WDPCP: variants seen among roughly 807,000 people sequenced by gnomAD.
WDPCP encodes WD repeat containing planar cell polarity effector.
In WDPCP, 71 loss-of-function variants were observed where a neutral mutation model predicts 93.1. That is an observed-to-expected ratio of 0.76 (90% CI 0.63 to 0.93). The LOEUF (loss-of-function observed/expected upper bound fraction) is 0.93. Among genes scored for constraint, WDPCP ranks in the 40% least tolerant of loss-of-function variants. WDPCP has a pLI of 0.00. For missense variants in WDPCP, 844 were observed against 887.4 expected (o/e 0.95, Z 0.62); for synonymous variants, 315 against 315.0 (o/e 1.00, Z 0.00).
intron 2 of WDPCP, chr2:63,684,564 T>C (rs1457674418): frequency 7.0e-6 from 5 of 716,168 alleles, no homozygotes; most frequent in Admixed American, 1.8e-5. Context: ...AGGTACTCTG[T>C]GGATATCCCC....
chr2:63,486,738 G>A (rs1396844384), intron 3 of WDPCP, 152 bp from the exon 4 acceptor site: 3 of 704,130 alleles, frequency 4.3e-6, no homozygotes, highest in Non-Finnish European at 6.7e-6. Context: ...GTTCTAAAAG[G>A]ACAGTTGAAA....
intron 3 of WDPCP, among the ~76,000 whole-genome samples, chr2:63,595,899 G>A (rs1318671788): frequency 6.6e-6 from 1 of 152,184 alleles, no homozygotes; most frequent in Non-Finnish European, 1.5e-5. Context: ...GTAGCATCCT[G>A]TAATGGAAAA....
chr2:63,367,037 C>A (rs942470171), intron 12 of WDPCP, among the ~76,000 whole-genome samples: 21 of 150,898 alleles, frequency 1.4e-4, no homozygotes, highest in African/African-American at 4.9e-4. Context: ...TCATTCAATC[C>A]ATATATTTAT....
chr2:63,588,829 CGGGA>C (rs1709069391), upstream of WDPCP: 22 of 610,140 alleles, frequency 3.6e-5, no homozygotes, highest in Admixed American at 6.4e-4. Context: ...CCTCTGGTAT[CGGGA>C]AGTGTAGTTC....
At chr2:63,297,070 G>T (rs1684921910) in intron 13 of WDPCP, among the ~76,000 whole-genome samples, 1 of 152,172 alleles carries the variant, frequency 6.6e-6, no homozygotes, top group Non-Finnish European at 1.5e-5. Flanking sequence ...CAATAAGGAT[G>T]GCACCATGTC....
chr2:63,698,496 G>A (rs1668993766), intron 2 of WDPCP, among the ~76,000 whole-genome samples: 1 of 152,168 alleles, frequency 6.6e-6, no homozygotes, highest in African/African-American at 2.4e-5. Flanking sequence ...GTTGAAGCTG[G>A]CAGGGACCTG....
intron 13 of WDPCP, among the ~76,000 whole-genome samples, chr2:63,271,435 C>A (rs1682631340): frequency 6.6e-6 from 1 of 152,172 alleles, no homozygotes; most frequent in Admixed American, 6.5e-5. Context: ...AGCTTCAGGA[C>A]TGGCTTATCT....
rs542014571 is a variant in WDPCP, at chr2:63,310,127, C to A, written c.1812+3121G>T. On this transcript the variant is annotated intron_variant, in intron 13 of 17. Transcript: ENST00000272321. ...TATACTAGAACTGTAGTTCTTAAGTCATTACAATATGCCAGGCACTTCATA... is the reference window on the plus strand; with the variant it reads ...TATACTAGAACTGTAGTTCTTAAGTAATTACAATATGCCAGGCACTTCATA... Among the ~76,000 whole-genome samples the A allele has an allele frequency of 9.2e-4, 140 of 152,184 alleles. 1 individual carries two copies. The highest frequency in any genetic ancestry group is 2.9e-5 in the Non-Finnish European group (2 of 67,994).
chr2:63,321,313 C>T (rs1687063036), intron 12 of WDPCP, among the ~76,000 whole-genome samples: 1 of 114,744 alleles, frequency 8.7e-6, no homozygotes, highest in Non-Finnish European at 1.7e-5. Context: ...AAGTGTGTCT[C>T]TATTATCAGA....
intron 2 of WDPCP, among the ~76,000 whole-genome samples, chr2:63,728,533 T>C (rs576356335): frequency 6.6e-6 from 1 of 152,362 alleles, no homozygotes; most frequent in South Asian, 2.1e-4. Context: ...ACAAATGTGA[T>C]ACTTTTTAAA....
chr2:63,611,114 G>A (rs760487883), intron 3 of WDPCP, among the ~76,000 whole-genome samples: 1 of 152,002 alleles, frequency 6.6e-6, no homozygotes. Flanking sequence ...AACCATAAAA[G>A]CTATATAGAT....
chr2:63,642,460 TTTC>T (rs1280856090), intron 3 of WDPCP: 3 of 63,210 alleles, frequency 4.7e-5, no homozygotes, highest in South Asian at 6.6e-4. Flanking sequence ...GTATCTTTTC[TTTC>T]TTTTTTTTTT....
At chr2:63,562,584 A>G (rs1706709924) in intron 1 of WDPCP, among the ~76,000 whole-genome samples, 1 of 152,216 alleles carries the variant, frequency 6.6e-6, no homozygotes, top group Non-Finnish European at 1.5e-5. Context: ...CAGTTACAGA[A>G]TCCACTGATG....
At chr2:63,265,530 T>G (rs1012186748) in intron 13 of WDPCP, among the ~76,000 whole-genome samples, 3 of 152,102 alleles carry the variant, frequency 2.0e-5, no homozygotes, top group South Asian at 4.2e-4. Flanking sequence ...ACTGAATAAA[T>G]AATCAAAAAG....
At position 63,622,452 on chromosome 2, in the gene WDPCP, C is replaced by A. The variant is rs972050265; in HGVS notation, n.488+28207G>T. On this transcript the variant is annotated intron_variant and non_coding_transcript_variant, in intron 3 of 4. Transcript: ENST00000467687. ...GCTAGAGGAGACCCAGGCTTCCCGG[C>A]GGATTTCAGTCCAGCCGCTGTTGTC... 7 of 1,613,788 alleles carry A rather than the reference C, an allele frequency of 4.3e-6. No homozygotes were observed. In the African/African-American group the frequency reaches 9.3e-5, roughly 22 times the overall value.
intron 2 of WDPCP, among the ~76,000 whole-genome samples, chr2:63,796,548 T>C (rs758859509): frequency 3.9e-5 from 6 of 152,194 alleles, no homozygotes; most frequent in Non-Finnish European, 8.8e-5. Flanking sequence ...ATAATCTGTG[T>C]GCTTGGGAGA....
intron 14 of WDPCP, among the ~76,000 whole-genome samples, chr2:63,255,362 G>A (rs1681047596): frequency 6.6e-6 from 1 of 152,156 alleles, no homozygotes; most frequent in African/African-American, 2.4e-5. Flanking sequence ...TGGTTTGGAT[G>A]TTTGTCCCCT....
chr2:63,501,701 C>A (rs1701565244), intron 1 of WDPCP, among the ~76,000 whole-genome samples: 1 of 152,184 alleles, frequency 6.6e-6, no homozygotes, highest in Non-Finnish European at 1.5e-5. Context: ...ACTGCAACTT[C>A]CACCTCCCGG....
chr2:63,545,843 G>A (rs547431351), intron 1 of WDPCP, among the ~76,000 whole-genome samples: 2 of 149,910 alleles, frequency 1.3e-5, no homozygotes, highest in African/African-American at 4.9e-5. Flanking sequence ...TCTTCTGAAC[G>A]AGGCGCTCAG....
Sources: allele counts gnomAD v4.1 joint callset (sites outside exome capture counted in the v4.1 genomes callset), GRCh38; gene constraint gnomAD v4.1.1; transcripts MANE v1.5; gene names NCBI Gene and HGNC (gene_info 2026-07-23, HGNC 2026-07-21).